Variants in CACNA1E observed in about 807,000 individuals in gnomAD.
CACNA1E encodes voltage-dependent R-type calcium channel subunit alpha-1E.
A neutral mutation model predicts 259.2 loss-of-function variants in CACNA1E; 40 were observed. The observed-to-expected ratio is 0.15, with a 90% CI of 0.12 to 0.20. The LOEUF (loss-of-function observed/expected upper bound fraction) is 0.20, where lower values mean the gene tolerates loss of function less well. CACNA1E is among the 10% of genes least tolerant of loss of function. CACNA1E has a pLI of 1.00. For synonymous variants in CACNA1E, 1,104 were observed against 1,138.5 expected (o/e 0.97, Z 0.61); for missense variants, 1,874 against 3,040.1 (o/e 0.62, Z 9.02).
intron 6 of CACNA1E, among the ~76,000 whole-genome samples, chr1:181,598,943 TA>T (rs1342485289): frequency 4.0e-5 from 6 of 151,428 alleles, no homozygotes; most frequent in African/African-American, 1.5e-4. Flanking sequence ...TTTTTTTTTT[TA>T]AATTTCTAAA....
rs1401670744 is a variant in CACNA1E at position 181,804,558 on chromosome 1, T to C, written c.*5724T>C. The C allele has an allele frequency of 6.6e-6, 1 of 152,210 alleles. No homozygotes were observed. Among genetic ancestry groups the C allele is most frequent in the Non-Finnish European group, 1.5e-5 (1 of 68,026 alleles). 9.4% of individuals were successfully genotyped at this position (152,210 alleles called of 1,614,324 possible). A position where few individuals can be genotyped will look rare whatever the true frequency, so the allele number is the denominator to read the frequency against. On this transcript the variant is annotated 3_prime_UTR_variant, in exon 48 of 48. Coordinates refer to ENST00000367573, the MANE Select transcript of CACNA1E (RefSeq NM_001205293.3). Reference sequence around the variant, plus strand: ...TACAATAGTGTAGTAATCTGATAAATGAAAACTATTGGAAGTCAATAGTTT... The same window carrying C: ...TACAATAGTGTAGTAATCTGATAAACGAAAACTATTGGAAGTCAATAGTTT...
rs781764017 is a variant in CACNA1E, at chr1:181,771,295, A to G, written c.4884A>G (p.Val1628=). 4 of 1,542,508 alleles carry G rather than the reference A, an allele frequency of 2.6e-6. No individual in the cohort carries two copies. Among genetic ancestry groups the G allele is most frequent in the Middle Eastern group, 1.7e-4 (1 of 5,948 alleles). Residue 1628 remains valine (V), a splice_region_variant and synonymous_variant, in exon 36 of 48, where the codon GTA becomes GTG. Transcript: ENST00000367573. ...FFIYAIIGMQ[V]FGNIKLDEES... ...TTTCTGTTGTTTCTCTCCTCAAGGT[A>G]TTTGGAAACATAAAATTAGACGAGG...
intron 7 of CACNA1E, among the ~76,000 whole-genome samples, chr1:181,658,642 A>G (rs1009538301): frequency 6.6e-5 from 10 of 152,164 alleles, no homozygotes; most frequent in Admixed American, 6.6e-4. Context: ...CTGTCGGGCC[A>G]TGGGCTCCTC....
chr1:181,733,693 A>G lies in CACNA1E; in HGVS notation c.3205A>G (p.Ser1069Gly). ...GGACAAGGCCACCACCGAGAGCACC[A>G]GCGTCACCGTCGCCATCCCCGACGT... ...NTDKATTEST[S>G]VTVAIPDVDP... is the part of the protein sequence containing the mutation. The change falls in exon 21 of 48, where the codon AGC becomes GGC. Residue 1069 changes from serine (S) to glycine (G), a missense_variant. By Grantham distance (56) the Ser-to-Gly change is moderately conservative (BLOSUM62 0). Coordinates refer to ENST00000367573, the MANE Select transcript of CACNA1E (RefSeq NM_001205293.3). 6.3e-7 allele frequency: 1 copy of G among 1,599,354 alleles called. No individual in the cohort carries two copies. Among genetic ancestry groups the G allele is most frequent in the Non-Finnish European group, 8.5e-7 (1 of 1,172,880 alleles).
intron 3 of CACNA1E, among the ~76,000 whole-genome samples, chr1:181,554,579 C>A (rs1393663647): frequency 6.6e-6 from 1 of 152,284 alleles, no homozygotes; most frequent in African/African-American, 2.4e-5. Flanking sequence ...AGAAACAATG[C>A]CAATAGTGAT....
chr1:181,554,845 C>T (rs1048853110), intron 3 of CACNA1E, among the ~76,000 whole-genome samples: 1 of 152,130 alleles, frequency 6.6e-6, no homozygotes, highest in African/African-American at 2.4e-5. Flanking sequence ...GTTTGGATGT[C>T]TTATCAGTGC....
chr1:181,455,855 C>T (rs1460911876), intron 2 of CACNA1E, among the ~76,000 whole-genome samples: 1 of 152,100 alleles, frequency 6.6e-6, no homozygotes, highest in Non-Finnish European at 1.5e-5. Context: ...GTGAGGAGGA[C>T]CCATGAGCAG....
intron 7 of CACNA1E, chr1:181,651,754 C>T (rs938111630): frequency 1.5e-4 from 29 of 196,776 alleles, no homozygotes; most frequent in African/African-American, 5.1e-4. Context: ...ATGTCAAACA[C>T]GGTGCTGGTT....
rs866907514 is a variant in CACNA1E at position 181,562,439 on chromosome 1, C to T, written c.513-15327C>T. Among the ~76,000 whole-genome samples the T allele has an allele frequency of 9.8e-5, 15 of 152,294 alleles. No homozygotes were observed. The South Asian group carries it at 1.9e-3, about 19-fold the overall frequency. ...CTGTGTTTCTTCTTTTGTGAGTCAT[C>T]ATCCCTTGCCTTTTTTGATACTGGA... On this transcript the variant is annotated intron_variant, in intron 3 of 47. Transcript: ENST00000367573.
rs529018493 is a variant in CACNA1E, at chr1:181,709,522, A to C, written c.1056-1432A>C. On this transcript the variant is annotated intron_variant, in intron 7 of 47. Coordinates refer to ENST00000367573, the MANE Select transcript of CACNA1E (RefSeq NM_001205293.3). ...AGACTGGCGTCTTCCCTTTCCCTGC[A>C]CTGTAGCTGGGGCCCATCCCCCAGC... Among the ~76,000 whole-genome samples the C allele has an allele frequency of 1.1e-4, 16 of 152,232 alleles. No homozygotes were observed. The East Asian group carries it at 2.5e-3, about 24-fold the overall frequency.
chr1:181,686,689 A>G (rs1363364577), intron 7 of CACNA1E, among the ~76,000 whole-genome samples: 2 of 152,182 alleles, frequency 1.3e-5, no homozygotes. Flanking sequence ...TAATCTTCAT[A>G]GATATCCAGA....
rs186052877 is a variant in CACNA1E, at chr1:181,660,458, A to C, written c.1055+9017A>C. Among the ~76,000 whole-genome samples the C allele has an allele frequency of 1.1e-3, 164 of 152,190 alleles. 1 individual carries two copies. Among genetic ancestry groups the C allele is most frequent in the African/African-American group, 3.9e-3 (161 of 41,528 alleles). On this transcript the variant is annotated intron_variant, in intron 7 of 47. Transcript: ENST00000367573. ...CCTCCCCAAAGCTAATTTTTTTTTG[A>C]GATTCATATATGCAGGTCACTAATG... is the stretch of plus-strand genomic sequence containing the variant.
intron 2 of CACNA1E, among the ~76,000 whole-genome samples, chr1:181,470,756 T>G (rs924698879): frequency 6.6e-6 from 1 of 152,112 alleles, no homozygotes; most frequent in South Asian, 2.1e-4. Flanking sequence ...GGCCATGGCT[T>G]GGAGGAAGCT....
At chr1:181,591,557 G>GAATATATTTATATTAAATATATAC (rs1201356471) in intron 6 of CACNA1E, among the ~76,000 whole-genome samples, 6 of 151,750 alleles carry the variant, frequency 4.0e-5, no homozygotes, top group African/African-American at 9.7e-5. Flanking sequence ...TCTTTATTAT[G>GAATATATTTATATTAAATATATAC]AATATATTTA....
chr1:181,684,118 C>T (rs139048824), intron 7 of CACNA1E, among the ~76,000 whole-genome samples: 196 of 152,252 alleles, frequency 1.3e-3, no homozygotes, highest in African/African-American at 4.5e-3. Context: ...TACGCGTTCC[C>T]TTTTCTCTGC....
intron 3 of CACNA1E, among the ~76,000 whole-genome samples, chr1:181,514,474 C>T (rs1186397974): frequency 1.3e-5 from 2 of 152,132 alleles, no homozygotes; most frequent in East Asian, 1.9e-4. Flanking sequence ...GCCTTTTGAT[C>T]CAGGGCTGGT....
intron 1 of CACNA1E, among the ~76,000 whole-genome samples, chr1:181,508,232 G>A (rs1183775985): frequency 2.0e-5 from 3 of 151,948 alleles, no homozygotes; most frequent in Non-Finnish European, 2.9e-5. Flanking sequence ...AGTCCTGCTG[G>A]GGAGAAACCT....
At chr1:181,645,838 T>C (rs1449129528) in intron 6 of CACNA1E, among the ~76,000 whole-genome samples, 1 of 152,160 alleles carries the variant, frequency 6.6e-6, no homozygotes, top group Non-Finnish European at 1.5e-5. Context: ...CATGAATGTG[T>C]TGAATAAAAA....
intron 2 of CACNA1E, among the ~76,000 whole-genome samples, chr1:181,469,915 T>C (rs1662383432): frequency 6.6e-6 from 1 of 152,132 alleles, no homozygotes; most frequent in Non-Finnish European, 1.5e-5. Context: ...GTAAAAGTGT[T>C]GAGCCACCTT....
Sources: gnomAD v4.1 joint callset for allele counts (sites outside exome capture counted in the v4.1 genomes callset) on GRCh38, gnomAD v4.1.1 for gene constraint, MANE v1.5 for transcripts, NCBI Gene and HGNC (gene_info 2026-07-23, HGNC 2026-07-21) for gene names.